CNTN5: variants seen among roughly 807,000 people sequenced by gnomAD.
CNTN5 encodes the protein contactin-5.
A neutral mutation model predicts 129.1 loss-of-function variants in CNTN5; 77 were observed. The observed-to-expected ratio is 0.60, with a 90% confidence interval of 0.50 to 0.72. CNTN5 has a LOEUF of 0.72. CNTN5 is among the 30% of genes least tolerant of loss of function. The probability of loss-of-function intolerance (pLI) is 0.00; values close to 1 mark genes in which losing one functional copy is unlikely to be tolerated. For synonymous variants in CNTN5, 509 were observed against 465.6 expected, an observed-to-expected ratio of 1.09 and a Z score of -1.20; for missense variants, 1,478 against 1,328.8, an observed-to-expected ratio of 1.11 and a Z score of -1.75.
chr11:99,677,653 C>T (rs1402076704), intron 3 of CNTN5, among the ~76,000 whole-genome samples: 1 of 152,098 alleles, frequency 6.6e-6, no homozygotes, highest in Non-Finnish European at 1.5e-5. Flanking sequence ...CATTAAAAAT[C>T]TAGATTACAT....
chr11:100,108,319 A>T (rs1945526297), intron 13 of CNTN5, among the ~76,000 whole-genome samples: 1 of 152,130 alleles, frequency 6.6e-6, no homozygotes, highest in African/African-American at 2.4e-5. Context: ...ACATCATTGG[A>T]CCAACATGTA....
chr11:100,216,221 C>T (rs1215757392), intron 15 of CNTN5, among the ~76,000 whole-genome samples: 1 of 152,126 alleles, frequency 6.6e-6, no homozygotes, highest in East Asian at 1.9e-4. Context: ...AGAAAACCTA[C>T]AGGCAGGTAT....
chr11:99,733,044 G>C (rs906419256), intron 3 of CNTN5, among the ~76,000 whole-genome samples: 4 of 152,112 alleles, frequency 2.6e-5, no homozygotes, highest in African/African-American at 9.7e-5. Context: ...GAAAGTCCTT[G>C]GCCGGGCGCG....
At chr11:99,639,721 C>T (rs10893640) in intron 3 of CNTN5, among the ~76,000 whole-genome samples, 91,014 of 151,328 alleles carry the variant, frequency 0.6, 28,171 homozygotes, top group Admixed American at 0.69. Flanking sequence ...TGAGCCACTA[C>T]GCCCAGCTAA....
At chr11:99,685,029 T>A (rs555168444) in intron 3 of CNTN5, among the ~76,000 whole-genome samples, 1 of 151,750 alleles carries the variant, frequency 6.6e-6, no homozygotes, top group South Asian at 2.1e-4. Context: ...TTTAATCTTT[T>A]TTCTAAGGTA....
chr11:99,928,702 G>A (rs1029767219), intron 7 of CNTN5, among the ~76,000 whole-genome samples: 1 of 152,128 alleles, frequency 6.6e-6, no homozygotes, highest in East Asian at 1.9e-4. Context: ...TAGGCCTGTG[G>A]GCCTGTGATG....
chr11:99,289,679 A>AT (rs1276112262), intron 1 of CNTN5, among the ~76,000 whole-genome samples: 6 of 151,808 alleles, frequency 4.0e-5, no homozygotes, highest in South Asian at 2.1e-4. Context: ...TTTCAGACCC[A>AT]TTTTTTATCT....
intron 21 of CNTN5, among the ~76,000 whole-genome samples, chr11:100,316,427 A>G (rs1292539131): frequency 1.3e-5 from 2 of 152,170 alleles, no homozygotes; most frequent in African/African-American, 4.8e-5. Context: ...GTAAACAAAA[A>G]AGAAATACGT....
At chr11:99,763,947 G>T (rs186650624) in intron 3 of CNTN5, among the ~76,000 whole-genome samples, 1 of 151,888 alleles carries the variant, frequency 6.6e-6, no homozygotes, top group Non-Finnish European at 1.5e-5. Context: ...AAAAGAGCTT[G>T]TTCACATATT....
At chr11:99,031,268 G>C (rs1863361519) in intron 1 of CNTN5, among the ~76,000 whole-genome samples, 1 of 151,930 alleles carries the variant, frequency 6.6e-6, no homozygotes, top group Admixed American at 6.6e-5. Flanking sequence ...TGGCTACTAT[G>C]TCAATGAGTT....
chr11:99,585,390 A>C (rs938877725), intron 3 of CNTN5, among the ~76,000 whole-genome samples: 16 of 152,192 alleles, frequency 1.1e-4, no homozygotes, highest in Non-Finnish European at 1.9e-4. Flanking sequence ...AAAAGGTAGG[A>C]GGATCTAGCT....
chr11:99,441,931 C>T (rs564672275), intron 2 of CNTN5, among the ~76,000 whole-genome samples: 1 of 152,222 alleles, frequency 6.6e-6, no homozygotes, highest in South Asian at 2.1e-4. Context: ...CTGGGGTTCT[C>T]TGCCTCCGTA....
intron 7 of CNTN5, among the ~76,000 whole-genome samples, chr11:99,923,373 A>C (rs541228475): frequency 6.6e-6 from 1 of 152,184 alleles, no homozygotes. Flanking sequence ...ATTGAGGGTT[A>C]TATTGTAAAG....
intron 3 of CNTN5, among the ~76,000 whole-genome samples, chr11:99,769,020 C>A (rs1944854366): frequency 1.8e-5 from 2 of 108,780 alleles, no homozygotes; most frequent in African/African-American, 3.2e-5. Flanking sequence ...TTTAAAAGTT[C>A]TTTTCTCTTT....
intron 13 of CNTN5, among the ~76,000 whole-genome samples, chr11:100,135,811 T>G (rs551274230): frequency 6.6e-6 from 1 of 152,264 alleles, no homozygotes; most frequent in East Asian, 1.9e-4. Context: ...TTCTTTCATC[T>G]TTCATTCGGG....
intron 9 of CNTN5, 46 bp from the exon 10 acceptor site, chr11:100,061,166 C>G: frequency 6.9e-7 from 1 of 1,450,514 alleles, no homozygotes; most frequent in Non-Finnish European, 9.4e-7. Flanking sequence ...ATCTATGTTC[C>G]TAACAGTGGA....
At chr11:100,086,955 T>C (rs937074280) in intron 13 of CNTN5, among the ~76,000 whole-genome samples, 119 of 151,754 alleles carry the variant, frequency 7.8e-4, no homozygotes, top group African/African-American at 2.6e-3. Context: ...TGAGCTTCTA[T>C]CTTAAGAAAT....
intron 2 of CNTN5, among the ~76,000 whole-genome samples, chr11:99,433,266 A>T (rs980225860): frequency 1.3e-5 from 2 of 152,044 alleles, no homozygotes; most frequent in African/African-American, 4.8e-5. Flanking sequence ...TTTAGAAAAG[A>T]TGTTGAAAAT....
At chr11:99,651,782 C>T (rs1359083488) in intron 3 of CNTN5, among the ~76,000 whole-genome samples, 1 of 151,906 alleles carries the variant, frequency 6.6e-6, no homozygotes, top group Non-Finnish European at 1.5e-5. Context: ...TGAAAATCAA[C>T]TATAAAATTA....
Sources: gnomAD v4.1 joint callset for allele counts (sites outside exome capture counted in the v4.1 genomes callset) on GRCh38, gnomAD v4.1.1 for gene constraint, MANE v1.5 for transcripts, NCBI Gene and HGNC (gene_info 2026-07-23, HGNC 2026-07-21) for gene names.